DNAAF1: variants seen among roughly 807,000 people sequenced by gnomAD.
DNAAF1 encodes the protein dynein axonemal assembly factor 1.
Under a neutral mutation model 71.1 loss-of-function variants are expected in DNAAF1, and 65 were observed. That is an observed-to-expected ratio of 0.91 (90% CI 0.75 to 1.12). DNAAF1 has a LOEUF of 1.12. DNAAF1 is among the 50% of genes most tolerant of loss of function. The pLI is 0.00. For synonymous variants in DNAAF1, 414 were observed against 354.6 expected (o/e 1.17, Z -1.88); for missense variants, 1,178 against 899.8 (o/e 1.31, Z -3.96).
rs372777928 is a variant in DNAAF1 at position 84,155,626 on chromosome 16, C to G, written c.618C>G (p.His206Gln). The G allele has an allele frequency of 6.8e-6, 11 of 1,614,044 alleles. No individual in the cohort carries two copies. The African/African-American group carries it at 1.5e-4, about 22-fold the overall frequency. ...VLNTLQMAHN[H>Q]LETVEDIQHL... ...ACACATTGCAGATGGCCCACAATCA[C>G]CTGGAGACCGTGGAGGACATTCAGC... The change falls in exon 5 of 12, where the codon CAC becomes CAG. Residue 206 changes from histidine to glutamine, a missense_variant. His to Gln is a conservative substitution (Grantham distance 24). Transcript: ENST00000378553.
chr16:84,174,931 C>T (rs1181520480), intron 10 of DNAAF1: 10 of 570,584 alleles, frequency 1.8e-5, no homozygotes, highest in Admixed American at 2.6e-5. Flanking sequence ...TCTTGGCTCA[C>T]TGCAACCTCC....
chr16:84,170,305 A>T lies in DNAAF1; in HGVS notation c.1477A>T (p.Thr493Ser), dbSNP rs2088261172. Residue 493 changes from threonine (T) to serine (S), a missense_variant, in exon 8 of 12, where the codon ACC becomes TCC. By Grantham distance (58) the Thr-to-Ser change is moderately conservative. Coordinates refer to ENST00000378553, the MANE Select transcript of DNAAF1 (RefSeq NM_178452.6). ...GGATGGAGATCGAGAGCCAGAGGGGACCCTCCCAGCTGAGGCCCCACCACC... is the reference window on the plus strand; with the variant it reads ...GGATGGAGATCGAGAGCCAGAGGGGTCCCTCCCAGCTGAGGCCCCACCACC... ...GEDGDREPEG[T>S]LPAEAPPPPP... 6.2e-7 allele frequency: 1 copy of T among 1,611,628 alleles called. No individual in the cohort carries two copies. The highest frequency in any genetic ancestry group is 8.5e-7 in the Non-Finnish European group (1 of 1,179,036).
intron 3 of DNAAF1, among the ~76,000 whole-genome samples, chr16:84,153,216 C>T (rs2087263916): frequency 6.6e-6 from 1 of 152,106 alleles, no homozygotes; most frequent in Non-Finnish European, 1.5e-5. Flanking sequence ...ATGGCAAATA[C>T]TTCCACTATA....
At chr16:84,145,665 A>G (rs2086864578) in intron 1 of DNAAF1, 101 bp downstream of exon 1, 1 of 1,353,462 alleles carries the variant, frequency 7.4e-7, no homozygotes, top group South Asian at 1.4e-5. Context: ...ACAGCCAAAT[A>G]ATAACAATAA....
In DNAAF1 at chr16:84,148,596, C is replaced by CT. The variant is rs765676142; in HGVS notation, c.125-393dup. Reference sequence around the variant, plus strand: ...AAAGATTACTGTTCTCTCTCTCTCTCTTTTTTTTTTTTTTTTTTGGTGAGA... The same window carrying CT: ...AAAGATTACTGTTCTCTCTCTCTCTCTTTTTTTTTTTTTTTTTTTGGTGAGA... On this transcript the variant is annotated intron_variant, in intron 1 of 11. Coordinates refer to ENST00000378553, the MANE Select transcript of DNAAF1 (RefSeq NM_178452.6). 3.7e-3 allele frequency among the ~76,000 whole-genome samples: 161 copies of CT among 43,584 alleles called. 16 individuals carry two copies. Among genetic ancestry groups the CT allele is most frequent in the South Asian group, 0.013 (15 of 1,196 alleles). 28.6% of individuals were successfully genotyped at this position (43,584 alleles called of 152,430 possible).
At chr16:84,159,282 G>T in intron 5 of DNAAF1, 1 of 1,093,334 alleles carries the variant, frequency 9.1e-7, no homozygotes, top group South Asian at 2.2e-5. Flanking sequence ...GTGCGTTTTG[G>T]TAAAATGGAT....
intron 7 of DNAAF1, among the ~76,000 whole-genome samples, chr16:84,168,596 A>T (rs2088147619): frequency 6.6e-6 from 1 of 152,092 alleles, no homozygotes; most frequent in African/African-American, 2.4e-5. Context: ...ATTTTTATAT[A>T]AAAATGGCAG....
At chr16:84,157,532 T>G (rs955570955) in intron 5 of DNAAF1, among the ~76,000 whole-genome samples, 1 of 148,046 alleles carries the variant, frequency 6.8e-6, no homozygotes, top group African/African-American at 2.5e-5. Context: ...AAAAAAAAAA[T>G]TCCCGTCCTT....
chr16:84,157,412 A>G lies in DNAAF1; in HGVS notation c.741+1663A>G, dbSNP rs145317571. 1.9e-3 allele frequency among the ~76,000 whole-genome samples: 294 copies of G among 151,378 alleles called. 1 individual carries two copies. Among genetic ancestry groups the G allele is most frequent in the Non-Finnish European group, 2.3e-3 (157 of 67,894 alleles). The stretch of plus-strand genomic sequence containing the variant: ...GTGGTGCACGTCTGTGATCTCAGCT[A>G]CTTGGGAGGCTGAGGCATGAGAATT... On this transcript the variant is annotated intron_variant, in intron 5 of 11. Coordinates refer to ENST00000378553, the MANE Select transcript of DNAAF1 (RefSeq NM_178452.6).
intron 5 of DNAAF1, among the ~76,000 whole-genome samples, chr16:84,156,883 T>C: frequency 6.9e-6 from 1 of 145,558 alleles, no homozygotes. Context: ...GACAGGGTCT[T>C]GCTCTGTCAC....
chr16:84,167,946 G>C (rs7195510), intron 7 of DNAAF1, among the ~76,000 whole-genome samples: 4,617 of 152,066 alleles, frequency 0.03, 106 homozygotes, highest in African/African-American at 0.047. Flanking sequence ...GAACCTGGGA[G>C]GCAGAGGTTG....
chr16:84,165,103 G>A (rs1366376784), intron 6 of DNAAF1, among the ~76,000 whole-genome samples: 1 of 152,030 alleles, frequency 6.6e-6, no homozygotes, highest in Admixed American at 6.6e-5. Context: ...TTATTGCGTT[G>A]TTTCCTTATC....
intron 7 of DNAAF1, 128 bp from the exon 8 acceptor site, chr16:84,169,731 A>G (rs1245809413): frequency 9.4e-6 from 13 of 1,383,142 alleles, no homozygotes; most frequent in African/African-American, 1.4e-5. Flanking sequence ...CCTTGAGGAC[A>G]CTTTTTTAAC....
intron 5 of DNAAF1, 120 bp downstream of exon 5, chr16:84,155,869 C>CT: frequency 7.8e-7 from 1 of 1,290,168 alleles, no homozygotes; most frequent in Non-Finnish European, 1.1e-6. Flanking sequence ...CTTTTTCACA[C>CT]TTTTTTCCTC....
At chr16:84,150,174 G>A in intron 2 of DNAAF1, 77 bp from the exon 3 acceptor site, 1 of 1,100,698 alleles carries the variant, frequency 9.1e-7, no homozygotes. Flanking sequence ...AGGAATGGAT[G>A]TGGTAAAGAA....
At chr16:84,168,212 C>G (rs1216391610) in intron 7 of DNAAF1, among the ~76,000 whole-genome samples, 1 of 152,150 alleles carries the variant, frequency 6.6e-6, no homozygotes, top group Non-Finnish European at 1.5e-5. Context: ...GTGGCCCCTT[C>G]TTCCAACTTC....
chr16:84,174,637 C>G (rs1292841852), intron 9 of DNAAF1, 32 bp from the exon 10 acceptor site: 1 of 1,614,058 alleles, frequency 6.2e-7, no homozygotes, highest in Non-Finnish European at 8.5e-7. Context: ...CGTGTACCTC[C>G]CTGGTGATGT....
rs751700362 is a variant in DNAAF1, at chr16:84,174,433, C to T, written c.1645-236C>T. The T allele has an allele frequency of 1.7e-5, 24 of 1,409,086 alleles. No individual in the cohort carries two copies. The Admixed American group carries it at 3.2e-4, about 19-fold the overall frequency. The allele number at this position is 1,409,086 out of a possible 1,614,324, so 87.3% of individuals were successfully genotyped here. A position where few individuals can be genotyped will look rare whatever the true frequency, so the allele number is the denominator to read the frequency against. ...AAAAGATGTGGAAATTCTTTAAACACGTCACACCTTGCAAGTTCCCTTTCA... is the reference window on the plus strand; with the variant it reads ...AAAAGATGTGGAAATTCTTTAAACATGTCACACCTTGCAAGTTCCCTTTCA... On this transcript the variant is annotated intron_variant, in intron 9 of 11. Transcript: ENST00000378553.
chr16:84,176,573 GT>G (rs2088678421), intron 11 of DNAAF1: 1 of 542,574 alleles, frequency 1.8e-6, no homozygotes, highest in Admixed American at 3.1e-5. Context: ...CAATCCCCCT[GT>G]GGTCATGCAG....
Sources: gnomAD v4.1 joint callset for allele counts (sites outside exome capture counted in the v4.1 genomes callset) on GRCh38, gnomAD v4.1.1 for gene constraint, MANE v1.5 for transcripts, NCBI Gene and HGNC (gene_info 2026-07-23, HGNC 2026-07-21) for gene names.